The following CDKN2C variants were observed in gnomAD, a reference collection of about 807,000 sequenced individuals.
The protein encoded by CDKN2C is cyclin-dependent kinase 4 inhibitor C.
CDKN2C carries 5 observed loss-of-function variants against 11.0 expected under a neutral mutation model. The ratio of observed to expected loss-of-function variants is 0.45; its 90% CI spans 0.24 to 0.95. The LOEUF (loss-of-function observed/expected upper bound fraction) is 0.95, where lower values mean the gene tolerates loss of function less well. CDKN2C is among the 40% of genes least tolerant of loss of function. CDKN2C has a pLI of 0.21. For missense variants in CDKN2C, 161 were observed against 211.9 expected, an observed-to-expected ratio of 0.76 and a Z score of 1.49; for synonymous variants, 79 against 88.3, an observed-to-expected ratio of 0.89 and a Z score of 0.59.
intron 1 of CDKN2C, among the ~76,000 whole-genome samples, chr1:50,961,020 T>TTATTTATG: frequency 6.6e-6 from 1 of 151,178 alleles, no homozygotes; most frequent in East Asian, 1.9e-4. Context: ...CTATTTTTAT[T>TTATTTATG]TATTTATTTA....
upstream of CDKN2C, among the ~76,000 whole-genome samples, chr1:50,967,767 A>C (rs1434256943): frequency 1.3e-5 from 2 of 152,170 alleles, no homozygotes; most frequent in African/African-American, 2.4e-5. Flanking sequence ...TAGGAGAGAG[A>C]CCATTCTAGA....
intron 1 of CDKN2C, among the ~76,000 whole-genome samples, chr1:50,964,372 T>C (rs140763985): frequency 6.6e-6 from 1 of 152,316 alleles, no homozygotes; most frequent in African/African-American, 2.4e-5. Context: ...TACACTGAGA[T>C]GTGTATCACC....
intron 1 of CDKN2C, among the ~76,000 whole-genome samples, chr1:50,962,453 G>A (rs1283585402): frequency 6.6e-6 from 1 of 152,122 alleles, no homozygotes; most frequent in Non-Finnish European, 1.5e-5. Context: ...TGAATCATGA[G>A]GCAAAACACA....
Position 50,970,314 on chromosome 1 carries a change from G to A in CDKN2C, c.-55G>A. On this transcript the variant is annotated 5_prime_UTR_variant, in exon 1 of 2. Transcript: ENST00000371761. ...GCAGCCTGGTTAGGAGCAAAGGAAA[G>A]GGGAAAAAGAAAAACGACTAATTCA... 1 of 1,608,980 alleles carries A rather than the reference G, an allele frequency of 6.2e-7. No individual in the cohort carries two copies. Among genetic ancestry groups the A allele is most frequent in the Non-Finnish European group, 8.5e-7 (1 of 1,178,518 alleles).
At chr1:50,968,708 C>T (rs2147955404), upstream of CDKN2C, 1 of 152,284 alleles carries the variant, frequency 6.6e-6, no homozygotes, top group East Asian at 1.9e-4. Context: ...TGCCGAGCCT[C>T]CTTAAAACTC....
At chr1:50,966,239 A>C (rs1645346802), upstream of CDKN2C, among the ~76,000 whole-genome samples, 2 of 151,852 alleles carry the variant, frequency 1.3e-5, no homozygotes, top group South Asian at 4.2e-4. Flanking sequence ...GTTGGGGTTT[A>C]ACCATGTTGG....
chr1:50,961,511 C>G (rs955532994), intron 1 of CDKN2C, among the ~76,000 whole-genome samples: 1 of 152,158 alleles, frequency 6.6e-6, no homozygotes, highest in Admixed American at 6.5e-5. Context: ...GGAAGTTGTT[C>G]ATCCTTGACT....
At chr1:50,966,974 A>C (rs1645349767), upstream of CDKN2C, among the ~76,000 whole-genome samples, 1 of 152,186 alleles carries the variant, frequency 6.6e-6, no homozygotes, top group African/African-American at 2.4e-5. Context: ...AATTATCATA[A>C]GTTTTCCTTA....
At chr1:50,970,602 GTT>G in intron 1 of CDKN2C, 105 bp downstream of exon 1, 1 of 1,355,670 alleles carries the variant, frequency 7.4e-7, no homozygotes, top group Non-Finnish European at 1.1e-6. Flanking sequence ...AAATTTCACT[GTT>G]TTTAAACCTA....
At chr1:50,964,840 G>A (rs1199077681) in intron 1 of CDKN2C, among the ~76,000 whole-genome samples, 1 of 152,108 alleles carries the variant, frequency 6.6e-6, no homozygotes, top group African/African-American at 2.4e-5. Flanking sequence ...CGGATCATGA[G>A]GTCAGGAGTT....
rs1269030912 is a variant in CDKN2C, at chr1:50,974,613, T to C, written c.*343T>C. The C allele has an allele frequency of 7.5e-6, 2 of 266,850 alleles. No homozygotes were observed. The highest frequency in any genetic ancestry group is 1.3e-4 in the South Asian group (1 of 7,586). The allele number at this position is 266,850 out of a possible 1,614,324, so 16.5% of individuals were successfully genotyped here. On this transcript the variant is annotated 3_prime_UTR_variant, in exon 2 of 2. Transcript: ENST00000371761. ...GGTTTGTCCTGATGCTTTTGTCTAA[T>C]TAAAACACTTTCAAAACAGGACAAC... is the stretch of plus-strand genomic sequence containing the variant.
At chr1:50,965,489 C>G (rs774528682), upstream of CDKN2C, among the ~76,000 whole-genome samples, 1 of 151,644 alleles carries the variant, frequency 6.6e-6, no homozygotes, top group Non-Finnish European at 1.5e-5. Flanking sequence ...GAGAGAGACT[C>G]TGTCTCAAAA....
chr1:50,972,190 T>G (rs1645384664), intron 1 of CDKN2C, among the ~76,000 whole-genome samples: 1 of 152,156 alleles, frequency 6.6e-6, no homozygotes, highest in African/African-American at 2.4e-5. Context: ...TGTCTCTTAT[T>G]TTTCTCATTC....
At chr1:50,966,694 G>A (rs773301827), upstream of CDKN2C, among the ~76,000 whole-genome samples, 6 of 151,038 alleles carry the variant, frequency 4.0e-5, no homozygotes, top group South Asian at 2.1e-4. Context: ...TACCCAACAG[G>A]CAGATGAAGC....
chr1:50,971,438 G>A (rs1430413310), intron 1 of CDKN2C, among the ~76,000 whole-genome samples: 1 of 152,148 alleles, frequency 6.6e-6, no homozygotes, highest in Non-Finnish European at 1.5e-5. Flanking sequence ...AAATTTAAGT[G>A]CCAAGAGATA....
chr1:50,970,446 A>C lies in CDKN2C; in HGVS notation c.78A>C (p.Gln26His), dbSNP rs1645373774. The change falls in exon 1 of 2, where the codon CAA (glutamine) becomes CAC (histidine). Residue 26 changes from glutamine to histidine, a missense_variant. By Grantham distance (24) the Gln-to-His change is conservative. Transcript: ENST00000371761. ...TAGAGCAACTTACTAGTTTGTTGCAAAATAATGTAAACGTCAATGCACAAA... is the reference window on the plus strand; with the variant it reads ...TAGAGCAACTTACTAGTTTGTTGCACAATAATGTAAACGTCAATGCACAAA... ...GDLEQLTSLL[Q>H]NNVNVNAQNG... The C allele has an allele frequency of 6.2e-7, 1 of 1,614,064 alleles. No individual in the cohort carries two copies. Among genetic ancestry groups the C allele is most frequent in the South Asian group, 1.1e-5 (1 of 91,086 alleles).
chr1:50,961,277 A>G (rs574590072), intron 1 of CDKN2C, among the ~76,000 whole-genome samples: 1 of 152,202 alleles, frequency 6.6e-6, no homozygotes, highest in Admixed American at 6.5e-5. Context: ...TGTCCTCGTG[A>G]TCCGCCCTCC....
chr1:50,968,464 G>A (rs1241147142), upstream of CDKN2C: 2 of 152,540 alleles, frequency 1.3e-5, no homozygotes, highest in African/African-American at 2.4e-5. Context: ...CCAGCAGAAG[G>A]GCAGGCCGGA....
At chr1:50,972,616 T>G (rs776022617) in intron 1 of CDKN2C, among the ~76,000 whole-genome samples, 28 of 152,228 alleles carry the variant, frequency 1.8e-4, no homozygotes, top group Non-Finnish European at 3.1e-4. Context: ...TGAAAATGTG[T>G]GGCATGTTAA....
Sources: gnomAD v4.1 joint callset for allele counts (sites outside exome capture counted in the v4.1 genomes callset) on GRCh38, gnomAD v4.1.1 for gene constraint, MANE v1.5 for transcripts, NCBI Gene and HGNC (gene_info 2026-07-23, HGNC 2026-07-21) for gene names.